Variants in TRERF1 observed in about 807,000 individuals in gnomAD.
TRERF1 encodes the protein transcriptional-regulating factor 1.
Under a neutral mutation model 122.9 loss-of-function variants are expected in TRERF1, and 27 were observed. The observed-to-expected ratio is 0.22, with a 90% CI of 0.16 to 0.30. The LOEUF (loss-of-function observed/expected upper bound fraction) is 0.30. Ranked by LOEUF, TRERF1 falls within the 10% of genes least tolerant of loss-of-function variation. TRERF1 has a pLI of 1.00. For missense variants in TRERF1, 1,248 were observed against 1,560.3 expected (o/e 0.80, Z 3.37); for synonymous variants, 636 against 641.7 (o/e 0.99, Z 0.13).
At chr6:42,386,875 A>G (rs1487075138) in intron 2 of TRERF1, among the ~76,000 whole-genome samples, 2 of 152,326 alleles carry the variant, frequency 1.3e-5, no homozygotes, top group Admixed American at 1.3e-4. Flanking sequence ...ATTGACATTC[A>G]GGCTGATCAT....
At chr6:42,238,507 G>A (rs1426211910) in intron 15 of TRERF1, among the ~76,000 whole-genome samples, 1 of 152,046 alleles carries the variant, frequency 6.6e-6, no homozygotes, top group Non-Finnish European at 1.5e-5. Context: ...GTAGAACTTC[G>A]TAACAACAAG....
At position 42,269,352 on chromosome 6, in the gene TRERF1, G is replaced by A. The variant is rs373327617; in HGVS notation, c.239C>T (p.Ser80Leu). 10 of 1,614,014 alleles carry A rather than the reference G, an allele frequency of 6.2e-6. No individual in the cohort carries two copies. In the African/African-American group the frequency reaches 6.7e-5, roughly 11 times the overall value. ...ATGACTTCCCCACCCTCCCTGCCTC[G>A]AGGTATCCATTTGGCCAAGGTTTTT... Residue 80 changes from serine to leucine, a missense_variant, in exon 5 of 18, where the codon TCG becomes TTG. Coordinates refer to ENST00000372922, the Ensembl canonical transcript of TRERF1. This position sits in a 1 kb window ranked among gnomAD's most constrained non-coding sequence, Gnocchi z 4.9.
intron 3 of TRERF1, among the ~76,000 whole-genome samples, chr6:42,325,436 C>T (rs566322900): frequency 6.6e-6 from 1 of 152,092 alleles, no homozygotes. Flanking sequence ...AATCATTCCA[C>T]CAAAAGACAT....
At chr6:42,394,662 A>G (rs1458079056) in intron 2 of TRERF1, among the ~76,000 whole-genome samples, 1 of 152,182 alleles carries the variant, frequency 6.6e-6, no homozygotes, top group African/African-American at 2.4e-5. Context: ...AATGCAAAAC[A>G]ATAATAATAT....
chr6:42,449,838 A>G (rs1788158814), intron 2 of TRERF1, among the ~76,000 whole-genome samples: 1 of 152,210 alleles, frequency 6.6e-6, no homozygotes, highest in African/African-American at 2.4e-5. Context: ...TCCATCAGCA[A>G]TGTGTAGCGA....
intron 2 of TRERF1, among the ~76,000 whole-genome samples, chr6:42,381,365 C>CAAATA (rs112491841): frequency 0.21 from 31,631 of 150,356 alleles, 6,947 homozygotes; most frequent in African/African-American, 0.56. Context: ...AAGGAACCAC[C>CAAATA]CAGGGATTGG....
At position 42,378,843 on chromosome 6, in the gene TRERF1, C is replaced by G. The variant is rs188227832; in HGVS notation, c.-453-15764G>C. Among the ~76,000 whole-genome samples, 598 of 152,248 alleles carry G rather than the reference C, an allele frequency of 3.9e-3. 1 individual carries two copies. The highest frequency in any genetic ancestry group is 0.013 in the African/African-American group (556 of 41,534). On this transcript the variant is annotated intron_variant, in intron 2 of 17. Coordinates refer to ENST00000372922, the Ensembl canonical transcript of TRERF1. ...AAAATTTATATATTGTAGGCTGGGC[C>G]GGTGGCTCATACCTCTAATCCCAGC...
intron 2 of TRERF1, among the ~76,000 whole-genome samples, chr6:42,385,090 G>A (rs1776574333): frequency 6.6e-6 from 1 of 152,226 alleles, no homozygotes; most frequent in African/African-American, 2.4e-5. Flanking sequence ...CAATTCTCCT[G>A]CCTTAGCCTC....
intron 10 of TRERF1, 110 bp from the exon 11 acceptor site, chr6:42,257,212 A>T: frequency 7.5e-7 from 1 of 1,326,618 alleles, no homozygotes; most frequent in Non-Finnish European, 1.0e-6. Context: ...TTCTGCAAGA[A>T]TGCAGGGGCA....
rs1458756658 is a variant in TRERF1, at chr6:42,259,723, C to T, written c.1885G>A (p.Glu629Lys). ...CTCGGCTGATGCTTCCTGGGGATTTCCTAAAACCGGAACAACGATCTGATT... is the reference window on the plus strand; with the variant it reads ...CTCGGCTGATGCTTCCTGGGGATTTTCTAAAACCGGAACAACGATCTGATT... The change falls in exon 9 of 18, where the codon GAA (glutamate) becomes AAA (lysine). Residue 629 changes from glutamate to lysine, a missense_variant and splice_region_variant. By Grantham distance (56) the Glu-to-Lys change is moderately conservative. Transcript: ENST00000372922. This position sits in a 1 kb window ranked among gnomAD's most constrained non-coding sequence, Gnocchi z 4.9. 10 of 1,601,382 alleles carry T rather than the reference C, an allele frequency of 6.2e-6. No homozygotes were observed. Among genetic ancestry groups the T allele is most frequent in the Non-Finnish European group, 7.6e-6 (9 of 1,179,944 alleles).
chr6:42,429,150 T>G (rs1244951298), intron 2 of TRERF1, among the ~76,000 whole-genome samples: 2 of 152,240 alleles, frequency 1.3e-5, no homozygotes, highest in African/African-American at 4.8e-5. Context: ...ACACTCCTAA[T>G]TTCTCTAGTG....
intron 16 of TRERF1, 75 bp from the exon 17 acceptor site, chr6:42,233,003 C>G (rs1434694437): frequency 7.0e-7 from 1 of 1,428,760 alleles, no homozygotes; most frequent in Admixed American, 2.7e-5. Context: ...TGACAGGGCA[C>G]AAGGGTTTTA....
intron 3 of TRERF1, among the ~76,000 whole-genome samples, chr6:42,342,816 A>G (rs960660641): frequency 1.3e-5 from 2 of 152,254 alleles, no homozygotes; most frequent in African/African-American, 4.8e-5. Context: ...TGGAAACCAC[A>G]TGGTGGCCCC....
chr6:42,299,506 C>T (rs1186351810), intron 4 of TRERF1, among the ~76,000 whole-genome samples: 1 of 152,170 alleles, frequency 6.6e-6, no homozygotes, highest in African/African-American at 2.4e-5. Context: ...GAGCAACTGA[C>T]AAATCCAGTG....
intron 3 of TRERF1, among the ~76,000 whole-genome samples, chr6:42,332,103 T>C (rs1451442343): frequency 6.6e-6 from 1 of 152,170 alleles, no homozygotes. Context: ...CCACCACACC[T>C]GGGTACTTTT....
At chr6:42,413,359 T>C (rs555222507) in intron 2 of TRERF1, among the ~76,000 whole-genome samples, 130 of 151,998 alleles carry the variant, frequency 8.6e-4, no homozygotes, top group African/African-American at 2.9e-3. Flanking sequence ...TCCCCAAAGG[T>C]AGACCCCATC....
At chr6:42,426,803 T>C (rs1783693987) in intron 2 of TRERF1, among the ~76,000 whole-genome samples, 1 of 152,158 alleles carries the variant, frequency 6.6e-6, no homozygotes, top group Non-Finnish European at 1.5e-5. Flanking sequence ...AAAGTAAAAA[T>C]ATCTACTCTC....
chr6:42,334,016 CACACACACACGT>C (rs1765697714), intron 3 of TRERF1, among the ~76,000 whole-genome samples: 1 of 151,432 alleles, frequency 6.6e-6, no homozygotes, highest in African/African-American at 2.4e-5. Context: ...CACACACACA[CACACACACACGT>C]ATGTACACAT....
intron 2 of TRERF1, among the ~76,000 whole-genome samples, chr6:42,392,463 T>C (rs890318073): frequency 1.1e-4 from 17 of 152,198 alleles, no homozygotes; most frequent in African/African-American, 4.1e-4. Flanking sequence ...ATTATTATTA[T>C]AGTCACTGAT....
Sources: allele counts gnomAD v4.1 joint callset (sites outside exome capture counted in the v4.1 genomes callset), GRCh38; gene constraint gnomAD v4.1.1; non-coding constraint Gnocchi (gnomAD v3.1); transcripts MANE v1.5; gene names NCBI Gene and HGNC (gene_info 2026-07-23, HGNC 2026-07-21).